Variants in ERBB4 observed in about 807,000 individuals in gnomAD.
ERBB4 encodes the protein erb-b2 receptor tyrosine kinase 4.
In ERBB4, 42 loss-of-function variants were observed where a neutral mutation model predicts 158.0. That is an observed-to-expected ratio of 0.27 (90% CI 0.21 to 0.34). ERBB4 has a LOEUF of 0.34. Among genes scored for constraint, ERBB4 ranks in the 10% least tolerant of loss-of-function variants. The probability of loss-of-function intolerance (pLI) is 1.00; values close to 1 mark genes in which losing one functional copy is unlikely to be tolerated. For missense variants in ERBB4, 1,333 were observed against 1,624.1 expected (o/e 0.82, Z 3.08); for synonymous variants, 583 against 558.7 (o/e 1.04, Z -0.61).
chr2:211,911,203 C>T (rs1223852557), intron 3 of ERBB4, among the ~76,000 whole-genome samples: 1 of 152,158 alleles, frequency 6.6e-6, no homozygotes, highest in East Asian at 1.9e-4. Flanking sequence ...GCCCGACAGT[C>T]TTTTTTAAAA....
chr2:211,725,553 T>C (rs2074239709), intron 5 of ERBB4, among the ~76,000 whole-genome samples: 1 of 152,050 alleles, frequency 6.6e-6, no homozygotes, highest in African/African-American at 2.4e-5. Flanking sequence ...AAAGATGCAG[T>C]GGGCTACGAC....
At chr2:212,218,753 T>G (rs2083187763) in intron 1 of ERBB4, among the ~76,000 whole-genome samples, 1 of 151,358 alleles carries the variant, frequency 6.6e-6, no homozygotes, top group African/African-American at 2.4e-5. Flanking sequence ...CATATCAATA[T>G]CATGGGATTT....
In ERBB4 at chr2:211,626,966, A is replaced by AAAT. The variant is rs1553598829; in HGVS notation, c.2080-2923_2080-2922insATT. ...AATAAATAAAAAAAATAAAAAAAAA[A>AAAT]AAGTGTGTGTTTATTTAGTAAGGAA... On this transcript the variant is annotated intron_variant, in intron 17 of 27. Transcript: ENST00000342788. Among the ~76,000 whole-genome samples the AAAT allele has an allele frequency of 2.7e-3, 409 of 150,662 alleles. 3 individuals are homozygous for AAAT. The highest frequency in any genetic ancestry group is 7.1e-3 in the African/African-American group (293 of 41,098).
At chr2:211,590,320 CCTT>C (rs2068422569) in intron 19 of ERBB4, among the ~76,000 whole-genome samples, 1 of 152,186 alleles carries the variant, frequency 6.6e-6, no homozygotes. Flanking sequence ...GAACAAACTT[CCTT>C]CTTGCCTGGG....
In ERBB4 at chr2:211,610,960, A is replaced by C. The variant is rs2069171658; in HGVS notation, c.2301+8217T>G. On this transcript the variant is annotated intron_variant, in intron 19 of 27. Coordinates refer to ENST00000342788, the MANE Select transcript of ERBB4 (RefSeq NM_005235.3). ...GTCTCTTTTAGGTACTTCAATGGAG[A>C]AATTAAGCCTGTTGGAATGCAAAAC... is the stretch of plus-strand genomic sequence containing the variant. Among the ~76,000 whole-genome samples the C allele has an allele frequency of 1.3e-5, 2 of 152,016 alleles. 1 individual carries two copies. Among genetic ancestry groups the C allele is most frequent in the South Asian group, 4.2e-4 (2 of 4,814 alleles).
At chr2:211,971,791 G>A (rs1205368187) in intron 2 of ERBB4, among the ~76,000 whole-genome samples, 2 of 151,914 alleles carry the variant, frequency 1.3e-5, no homozygotes, top group African/African-American at 4.8e-5. Context: ...AGAACTAAAG[G>A]CAAAAATTAC....
chr2:211,710,335 TTATTAG>T (rs2073647433), intron 9 of ERBB4, among the ~76,000 whole-genome samples: 1 of 151,738 alleles, frequency 6.6e-6, no homozygotes, highest in Admixed American at 6.6e-5. Context: ...TCAGAAGACA[TTATTAG>T]CATAATATAA....
intron 1 of ERBB4, among the ~76,000 whole-genome samples, chr2:212,395,635 T>C (rs1259604845): frequency 6.8e-6 from 1 of 146,786 alleles, no homozygotes; most frequent in African/African-American, 2.5e-5. Context: ...TTTTTTTTTT[T>C]TTTGAGATGG....
At chr2:211,721,355 T>C (rs577870020) in intron 7 of ERBB4, among the ~76,000 whole-genome samples, 1 of 144,860 alleles carries the variant, frequency 6.9e-6, no homozygotes, top group Non-Finnish European at 1.5e-5. Context: ...GCACAGACTA[T>C]AAATAATTCT....
intron 1 of ERBB4, among the ~76,000 whole-genome samples, chr2:212,157,706 T>C (rs2081083198): frequency 6.6e-6 from 1 of 152,122 alleles, no homozygotes; most frequent in Admixed American, 6.6e-5. Context: ...ATAAGTCTTA[T>C]TCAGTAGAAT....
In ERBB4 at chr2:211,382,614, G is replaced by A. The variant is rs1419940321; in HGVS notation, c.*1001C>T. On this transcript the variant is annotated 3_prime_UTR_variant, in exon 28 of 28. Coordinates refer to ENST00000342788, the MANE Select transcript of ERBB4 (RefSeq NM_005235.3). The stretch of plus-strand genomic sequence containing the variant: ...CCAGTTCAATGGATTCCCTCATTGG[G>A]CCACCCCTGAAAGTATCAGTAGTTT... The A allele has an allele frequency of 4.3e-6, 1 of 232,732 alleles. No homozygotes were observed. Among genetic ancestry groups the A allele is most frequent in the Non-Finnish European group, 8.5e-6 (1 of 117,698 alleles). The allele number at this position is 232,732 out of a possible 1,614,324, so 14.4% of individuals were successfully genotyped here.
At position 211,705,366 on chromosome 2, in the gene ERBB4, T is replaced by C. The variant is rs138476466; in HGVS notation, c.1150A>G (p.Ile384Val). The change falls in exon 10 of 28, where the codon ATA becomes GTA. Residue 384 changes from isoleucine to valine, a missense_variant. Around this residue, in one of 5 missense-constraint regions of ERBB4, gnomAD observed 438 missense variants for 586.9 expected, o/e 0.75. Transcript: ENST00000342788. ...HGDPYNAIEA[I>V]DPEKLNVFRT... is the part of the protein sequence containing the mutation. ...AAGACGTTCAGTTTCTCTGGGTCTATGGCTTCAATTGCATTGTAAGGGTCC... is the reference window on the plus strand; with the variant it reads ...AAGACGTTCAGTTTCTCTGGGTCTACGGCTTCAATTGCATTGTAAGGGTCC... 11 of 1,612,872 alleles carry C rather than the reference T, an allele frequency of 6.8e-6. No individual in the cohort carries two copies. The South Asian group carries it at 1.1e-4, about 16-fold the overall frequency.
rs1461479669 is a variant in ERBB4 at position 211,966,091 on chromosome 2, G to A, written c.235-18475C>T. 2.6e-5 allele frequency among the ~76,000 whole-genome samples: 4 copies of A among 152,186 alleles called. No homozygotes were observed. The East Asian group carries it at 5.8e-4, about 22-fold the overall frequency. ...TAGCCGGACATTGTGGCACATGCCT[G>A]TGGTCCCAGCTACCCAGGAAGCTGA... is the stretch of plus-strand genomic sequence containing the variant. On this transcript the variant is annotated intron_variant, in intron 2 of 27. Coordinates refer to ENST00000342788, the MANE Select transcript of ERBB4 (RefSeq NM_005235.3).
chr2:212,280,380 T>C (rs1458752732), intron 1 of ERBB4, among the ~76,000 whole-genome samples: 2 of 151,660 alleles, frequency 1.3e-5, no homozygotes, highest in African/African-American at 2.4e-5. Flanking sequence ...GAATGGTTAA[T>C]TCACCAAAAA....
At chr2:211,871,050 A>G (rs1449467368) in intron 3 of ERBB4, among the ~76,000 whole-genome samples, 3 of 152,166 alleles carry the variant, frequency 2.0e-5, no homozygotes, top group Non-Finnish European at 4.4e-5. Flanking sequence ...GATTAGTGCT[A>G]TATTTGAAGG....
At chr2:212,081,989 G>A (rs953363193) in intron 2 of ERBB4, among the ~76,000 whole-genome samples, 3 of 152,034 alleles carry the variant, frequency 2.0e-5, no homozygotes, top group African/African-American at 7.2e-5. Flanking sequence ...CTGTATTATT[G>A]TCTAGCAAAG....
At chr2:211,736,714 C>G (rs1374964869) in intron 5 of ERBB4, among the ~76,000 whole-genome samples, 2 of 152,056 alleles carry the variant, frequency 1.3e-5, no homozygotes, top group Non-Finnish European at 1.5e-5. Context: ...GCCATTGAGA[C>G]TGACCATTCT....
chr2:211,745,879 C>T (rs1481292355), intron 5 of ERBB4, among the ~76,000 whole-genome samples: 1 of 152,086 alleles, frequency 6.6e-6, no homozygotes, highest in Non-Finnish European at 1.5e-5. Flanking sequence ...CCAGCTTCCT[C>T]GACTACTAAA....
At chr2:212,448,123 A>G (rs1220295565) in intron 1 of ERBB4, among the ~76,000 whole-genome samples, 1 of 152,156 alleles carries the variant, frequency 6.6e-6, no homozygotes, top group East Asian at 1.9e-4. Context: ...CTTTAACTGT[A>G]ATCTCTAAGA....
Sources: allele counts gnomAD v4.1 joint callset (sites outside exome capture counted in the v4.1 genomes callset), GRCh38; gene constraint gnomAD v4.1.1; regional missense constraint gnomAD v4.1.1; transcripts MANE v1.5; gene names NCBI Gene and HGNC (gene_info 2026-07-23, HGNC 2026-07-21).